The following IGF1R variants were observed in gnomAD, a reference collection of about 807,000 sequenced individuals.
The protein encoded by IGF1R is insulin-like growth factor 1 receptor.
In IGF1R, 44 loss-of-function variants were observed where a neutral mutation model predicts 144.6. That is an observed-to-expected ratio of 0.30 (90% CI 0.24 to 0.39). The LOEUF is 0.39. Among genes scored for constraint, IGF1R ranks in the 10% least tolerant of loss-of-function variants. The pLI is 1.00. For synonymous variants in IGF1R, 795 were observed against 722.8 expected, an observed-to-expected ratio of 1.10 and a Z score of -1.60; for missense variants, 1,355 against 1,833.7, an observed-to-expected ratio of 0.74 and a Z score of 4.77.
intron 2 of IGF1R, among the ~76,000 whole-genome samples, chr15:98,774,335 A>T (rs2055661055): frequency 6.6e-6 from 1 of 152,208 alleles, no homozygotes; most frequent in Admixed American, 6.5e-5. Context: ...ACAGATCAAA[A>T]ATGGGGAACA....
chr15:98,845,410 T>TCCTCCC (rs1319227277), intron 2 of IGF1R, among the ~76,000 whole-genome samples: 1 of 60,358 alleles, frequency 1.7e-5, no homozygotes, highest in Non-Finnish European at 3.1e-5. Flanking sequence ...GCCTCCCTCC[T>TCCTCCC]CCTCCCCCTC....
At chr15:98,885,426 C>G (rs11855323) in intron 2 of IGF1R, among the ~76,000 whole-genome samples, 10,278 of 152,216 alleles carry the variant, frequency 0.068, 392 homozygotes, top group Middle Eastern at 0.12. Flanking sequence ...CCCGTGTTGT[C>G]TCATGGTCAG....
At chr15:98,939,505 C>T in intron 18 of IGF1R, 145 bp downstream of exon 18, 6 of 822,690 alleles carry the variant, frequency 7.3e-6, no homozygotes, top group Non-Finnish European at 1.3e-5. Context: ...TGATTGTCTC[C>T]AGTTGATGGT....
At chr15:98,946,764 G>A (rs1013083037) in intron 19 of IGF1R, among the ~76,000 whole-genome samples, 3 of 152,184 alleles carry the variant, frequency 2.0e-5, no homozygotes, top group African/African-American at 4.8e-5. Flanking sequence ...TGGGCCGGGA[G>A]GGCCAGGGTG....
At chr15:98,756,852 T>C (rs1302941792) in intron 2 of IGF1R, among the ~76,000 whole-genome samples, 1 of 152,194 alleles carries the variant, frequency 6.6e-6, no homozygotes, top group Non-Finnish European at 1.5e-5. Context: ...ATTTATTTGA[T>C]CTTTGATTCT....
chr15:98,683,018 G>A lies in IGF1R; in HGVS notation c.95-24544G>A, dbSNP rs555103358. Among the ~76,000 whole-genome samples the A allele has an allele frequency of 1.3e-3, 189 of 150,574 alleles. 4 individuals are homozygous for A. The South Asian group carries it at 0.037, about 30-fold the overall frequency. Reference sequence around the variant, plus strand: ...ACCTCCCCATGTCACAGTGTATCTCGTGTGCACTGCTAGATATTCTGATCA... The same window carrying A: ...ACCTCCCCATGTCACAGTGTATCTCATGTGCACTGCTAGATATTCTGATCA... On this transcript the variant is annotated intron_variant, in intron 1 of 20. Transcript: ENST00000650285.
chr15:98,753,462 G>T (rs1157422438), intron 2 of IGF1R, among the ~76,000 whole-genome samples: 1 of 144,416 alleles, frequency 6.9e-6, no homozygotes, highest in Non-Finnish European at 1.5e-5. Context: ...CGAACTCCTG[G>T]CCTCAAGCGA....
intron 2 of IGF1R, among the ~76,000 whole-genome samples, chr15:98,817,472 G>A (rs986421611): frequency 3.9e-5 from 6 of 152,088 alleles, no homozygotes; most frequent in African/African-American, 1.4e-4. Context: ...GGGGCCAGGT[G>A]TGGTTGAGGG....
intron 15 of IGF1R, among the ~76,000 whole-genome samples, chr15:98,933,957 G>A (rs1338504248): frequency 5.9e-5 from 9 of 152,100 alleles, no homozygotes; most frequent in Non-Finnish European, 8.8e-5. Flanking sequence ...CTTTGTAACC[G>A]CAAATTTTCT....
chr15:98,671,437 C>G (rs1325453826), intron 1 of IGF1R, among the ~76,000 whole-genome samples: 1 of 152,116 alleles, frequency 6.6e-6, no homozygotes, highest in East Asian at 1.9e-4. Context: ...TGTAAACAAA[C>G]GTCATTTGTA....
At chr15:98,925,636 C>T (rs2015684984) in intron 13 of IGF1R, among the ~76,000 whole-genome samples, 1 of 152,244 alleles carries the variant, frequency 6.6e-6, no homozygotes, top group Non-Finnish European at 1.5e-5. Flanking sequence ...GGTGCAGTGG[C>T]TCACGCCTGT....
chr15:98,917,997 T>C lies in IGF1R; in HGVS notation c.2201+1121T>C, dbSNP rs999998967. Among the ~76,000 whole-genome samples, 3 of 152,254 alleles carry C rather than the reference T, an allele frequency of 2.0e-5. No individual in the cohort carries two copies. In the South Asian group the frequency reaches 6.2e-4, roughly 32 times the overall value. On this transcript the variant is annotated intron_variant, in intron 10 of 20. Coordinates refer to ENST00000650285, the MANE Select transcript of IGF1R (RefSeq NM_000875.5). ...ATGATTAAAATGGCAACTTTTTATC[T>C]TACATATATTTTGTTTTGTTTTAAA...
Position 98,790,343 on chromosome 15 carries a change from C to T in IGF1R, c.640+82236C>T, listed in dbSNP as rs117634000. On this transcript the variant is annotated intron_variant, in intron 2 of 20. Transcript: ENST00000650285. Reference sequence around the variant, plus strand: ...GCCATCAGGGATAGTTTTGTCCTCCCTCTTCTTACAAGTGATCATTCCCTT... The same window carrying T: ...GCCATCAGGGATAGTTTTGTCCTCCTTCTTCTTACAAGTGATCATTCCCTT... Among the ~76,000 whole-genome samples, 7 of 152,304 alleles carry T rather than the reference C, an allele frequency of 4.6e-5. No individual in the cohort carries two copies. In the East Asian group the frequency reaches 9.6e-4, roughly 21 times the overall value.
chr15:98,892,603 A>G (rs891781822), intron 3 of IGF1R, among the ~76,000 whole-genome samples: 2 of 152,014 alleles, frequency 1.3e-5, no homozygotes, highest in Non-Finnish European at 2.9e-5. Context: ...CTGGACTTCT[A>G]TAAATTTGTC....
chr15:98,762,167 T>C (rs1216012595), intron 2 of IGF1R, among the ~76,000 whole-genome samples: 1 of 150,210 alleles, frequency 6.7e-6, no homozygotes, highest in African/African-American at 2.4e-5. Flanking sequence ...TTTGCATAAA[T>C]AGCATTGGAG....
intron 2 of IGF1R, among the ~76,000 whole-genome samples, chr15:98,762,978 G>A (rs1241666219): frequency 2.0e-5 from 3 of 151,534 alleles, no homozygotes; most frequent in African/African-American, 7.3e-5. Flanking sequence ...CCTGGGAGGC[G>A]GAAGTTGCAG....
At chr15:98,887,786 C>G (rs2013713041) in intron 2 of IGF1R, among the ~76,000 whole-genome samples, 2 of 152,354 alleles carry the variant, frequency 1.3e-5, no homozygotes, top group South Asian at 2.1e-4. Flanking sequence ...GGAGTCTGCT[C>G]TCTTCCAGCC....
chr15:98,925,522 C>T (rs2015679330), intron 13 of IGF1R, among the ~76,000 whole-genome samples: 1 of 152,218 alleles, frequency 6.6e-6, no homozygotes, highest in African/African-American at 2.4e-5. Context: ...AGCAATGCAG[C>T]CTCACTTAGT....
intron 2 of IGF1R, among the ~76,000 whole-genome samples, chr15:98,875,344 CTTTTCTT>C (rs1567172688): frequency 8.2e-6 from 1 of 121,504 alleles, no homozygotes; most frequent in Non-Finnish European, 1.7e-5. Flanking sequence ...CTTTTCTTTT[CTTTTCTT>C]TTTTTTTTTT....
Sources: allele counts gnomAD v4.1 joint callset (sites outside exome capture counted in the v4.1 genomes callset), GRCh38; gene constraint gnomAD v4.1.1; transcripts MANE v1.5; gene names NCBI Gene and HGNC (gene_info 2026-07-23, HGNC 2026-07-21).